CENPW: variants seen among roughly 807,000 people sequenced by gnomAD.
The protein encoded by CENPW is centromere protein W.
Under a neutral mutation model 11.1 loss-of-function variants are expected in CENPW, and 3 were observed. That is an observed-to-expected ratio of 0.27 (90% confidence interval 0.12 to 0.70). CENPW has a LOEUF of 0.70. CENPW is among the 30% of genes least tolerant of loss of function. CENPW has a pLI of 0.77. For synonymous variants in CENPW, 38 were observed against 42.0 expected (o/e 0.91, Z 0.37); for missense variants, 100 against 105.6 (o/e 0.95, Z 0.23).
chr6:126,416,114 G>T, the CENPW span, among the ~76,000 whole-genome samples: 1 of 152,138 alleles, frequency 6.6e-6, no homozygotes, highest in Non-Finnish European at 1.5e-5. Flanking sequence ...AGGCTGAGGT[G>T]GTCTCAGATG....
the CENPW span, among the ~76,000 whole-genome samples, chr6:126,410,023 G>T: frequency 6.6e-6 from 1 of 150,990 alleles, no homozygotes; most frequent in African/African-American, 2.4e-5. Context: ...TGATATGGTG[G>T]TTTTTTTTAT....
At chr6:126,397,612 G>T in the CENPW span, among the ~76,000 whole-genome samples, 1 of 152,114 alleles carries the variant, frequency 6.6e-6, no homozygotes, top group Non-Finnish European at 1.5e-5. Flanking sequence ...GCATTCCTGT[G>T]GGAGATAATG....
chr6:126,407,232 G>A, the CENPW span, among the ~76,000 whole-genome samples: 1 of 152,242 alleles, frequency 6.6e-6, no homozygotes, highest in South Asian at 2.1e-4. Context: ...ATGGCTTCCA[G>A]CTCCATCCAC....
the CENPW span, among the ~76,000 whole-genome samples, chr6:126,455,180 A>G: frequency 2.0e-5 from 3 of 151,350 alleles, no homozygotes; most frequent in Non-Finnish European, 4.4e-5. Flanking sequence ...AAACTATTCT[A>G]AAAAATTGAG....
chr6:126,443,360 A>G, the CENPW span, among the ~76,000 whole-genome samples: 1 of 151,226 alleles, frequency 6.6e-6, no homozygotes, highest in Non-Finnish European at 1.5e-5. Flanking sequence ...GCATTCCTGT[A>G]GAGTTATTCA....
At chr6:126,428,111 A>G in the CENPW span, among the ~76,000 whole-genome samples, 9 of 152,210 alleles carry the variant, frequency 5.9e-5, no homozygotes, top group Non-Finnish European at 1.5e-5. Flanking sequence ...ATGTTCTTCC[A>G]AAACTATTAT....
the CENPW span, among the ~76,000 whole-genome samples, chr6:126,404,319 T>A: frequency 6.6e-6 from 1 of 152,106 alleles, no homozygotes; most frequent in Admixed American, 6.6e-5. Flanking sequence ...AAGACAAACA[T>A]TGCATAAGGC....
chr6:126,397,520 G>C, the CENPW span, among the ~76,000 whole-genome samples: 2 of 152,086 alleles, frequency 1.3e-5, no homozygotes, highest in Non-Finnish European at 2.9e-5. Flanking sequence ...TACAAAACCA[G>C]ATATTATGAT....
At chr6:126,372,736 G>T in the CENPW span, among the ~76,000 whole-genome samples, 3 of 152,248 alleles carry the variant, frequency 2.0e-5, no homozygotes, top group East Asian at 5.8e-4. Flanking sequence ...GATTCAGAAG[G>T]AGTTATAATG....
the CENPW span, among the ~76,000 whole-genome samples, chr6:126,399,046 T>A: frequency 2.9e-3 from 438 of 152,228 alleles, 17 homozygotes; most frequent in East Asian, 0.066. Flanking sequence ...ATTTTCTTTA[T>A]CCAGTTAACT....
the CENPW span, among the ~76,000 whole-genome samples, chr6:126,399,509 A>G: frequency 6.6e-6 from 1 of 152,086 alleles, no homozygotes; most frequent in South Asian, 2.1e-4. Context: ...GCCATTTTAC[A>G]TCTGTTTTTC....
the CENPW span, among the ~76,000 whole-genome samples, chr6:126,416,104 A>G: frequency 3.9e-4 from 60 of 152,342 alleles, no homozygotes; most frequent in East Asian, 0.011. Flanking sequence ...AATGAAATCC[A>G]GGCTGAGGTG....
the CENPW span, among the ~76,000 whole-genome samples, chr6:126,406,638 G>T: frequency 6.6e-6 from 1 of 152,054 alleles, no homozygotes; most frequent in African/African-American, 2.4e-5. Flanking sequence ...CATATCACAA[G>T]GTCAGGAGTT....
At chr6:126,465,125 T>G in the CENPW span, among the ~76,000 whole-genome samples, 7 of 152,146 alleles carry the variant, frequency 4.6e-5, no homozygotes, top group Non-Finnish European at 1.0e-4. Flanking sequence ...ATGGAATCTA[T>G]AAACGTAAGA....
chr6:126,401,108 C>T, the CENPW span, among the ~76,000 whole-genome samples: 2 of 151,998 alleles, frequency 1.3e-5, no homozygotes, highest in African/African-American at 4.8e-5. Context: ...CAATTTTTGT[C>T]TGATAGCCAG....
At chr6:126,427,250 A>G in the CENPW span, among the ~76,000 whole-genome samples, 1 of 152,076 alleles carries the variant, frequency 6.6e-6, no homozygotes, top group Non-Finnish European at 1.5e-5. Context: ...AGTGTATTTT[A>G]TTTTATTTTT....
the CENPW span, among the ~76,000 whole-genome samples, chr6:126,419,979 G>T: frequency 6.6e-6 from 1 of 152,178 alleles, no homozygotes; most frequent in Non-Finnish European, 1.5e-5. Flanking sequence ...TGGGAATGAA[G>T]ATATGAACAT....
At chr6:126,393,093 G>A in the CENPW span, among the ~76,000 whole-genome samples, 1 of 151,838 alleles carries the variant, frequency 6.6e-6, no homozygotes, top group African/African-American at 2.4e-5. Context: ...GTTGCTTATA[G>A]TAGCTACTAA....
the CENPW span, among the ~76,000 whole-genome samples, chr6:126,369,769 G>GT: frequency 1.3e-5 from 2 of 152,118 alleles, no homozygotes; most frequent in African/African-American, 2.4e-5. Context: ...CTGTGCAGAA[G>GT]TTTTTTAGTT....
Sources: gnomAD v4.1 joint callset for allele counts (sites outside exome capture counted in the v4.1 genomes callset) on GRCh38, gnomAD v4.1.1 for gene constraint, MANE v1.5 for transcripts, NCBI Gene and HGNC (gene_info 2026-07-23, HGNC 2026-07-21) for gene names.